The following SLF2 variants were observed in gnomAD, a reference collection of about 807,000 sequenced individuals.
SLF2 encodes SMC5/6 complex localization factor 2.
Under a neutral mutation model 124.3 loss-of-function variants are expected in SLF2, and 68 were observed. That is an observed-to-expected ratio of 0.55 (90% CI 0.45 to 0.67). The LOEUF (loss-of-function observed/expected upper bound fraction) is 0.67, where lower values mean the gene tolerates loss of function less well. Ranked by LOEUF, SLF2 falls within the 30% of genes least tolerant of loss-of-function variation. SLF2 has a pLI of 0.00. For synonymous variants in SLF2, 480 were observed against 478.8 expected, an observed-to-expected ratio of 1.00 and a Z score of -0.03; for missense variants, 1,246 against 1,373.7, an observed-to-expected ratio of 0.91 and a Z score of 1.47.
chr10:100,959,270 A>C (rs2133835412), intron 18 of SLF2, among the ~76,000 whole-genome samples, 158 bp from the exon 19 acceptor site: 1 of 152,356 alleles, frequency 6.6e-6, no homozygotes, highest in Non-Finnish European at 1.5e-5. Context: ...AATCTCCTTC[A>C]AAAGATGAGT....
intron 15 of SLF2, among the ~76,000 whole-genome samples, chr10:100,949,705 C>T (rs999752332): frequency 2.6e-5 from 4 of 151,950 alleles, no homozygotes; most frequent in Non-Finnish European, 5.9e-5. Flanking sequence ...AAGTGATTCT[C>T]GTGCCTCAGC....
At position 100,926,605 on chromosome 10, in the gene SLF2, C is replaced by CA. The variant is rs557928971; in HGVS notation, c.2042+599dup. ...TGGGTGACAGAATAAGACCCCGTCT[C>CA]AAAAAAAAAAAAAGTGGGGGGCCAG... On this transcript the variant is annotated intron_variant, in intron 6 of 19. Transcript: ENST00000238961. 519 of 138,862 alleles carry CA rather than the reference C, an allele frequency of 3.7e-3. 2 individuals carry two copies. The highest frequency in any genetic ancestry group is 6.2e-3 in the East Asian group (31 of 5,002). The allele number at this position is 138,862 out of a possible 1,614,324, so 8.6% of individuals were successfully genotyped here.
intron 4 of SLF2, among the ~76,000 whole-genome samples, chr10:100,922,514 T>G (rs545157468): frequency 1.3e-5 from 2 of 152,306 alleles, no homozygotes; most frequent in South Asian, 4.1e-4. Context: ...CATTTTAGGT[T>G]TTTAAAGCAA....
chr10:100,913,032 G>T lies in SLF2; in HGVS notation c.-79G>T. The T allele has an allele frequency of 1.3e-6, 2 of 1,510,870 alleles. No individual in the cohort carries two copies. 93.6% of individuals were successfully genotyped at this position (1,510,870 alleles called of 1,614,324 possible). A position where few individuals can be genotyped will look rare whatever the true frequency, so the allele number is the denominator to read the frequency against. On this transcript the variant is annotated 5_prime_UTR_variant, in exon 1 of 20. The change creates a premature stop within an existing upstream ORF in the 5' untranslated region. Transcript: ENST00000238961. ...CCACCTCTGCTCCGACAGCCTCCCGGAGTCCCAGCAGCAAGACGGCAACCA... is the reference window on the plus strand; with the variant it reads ...CCACCTCTGCTCCGACAGCCTCCCGTAGTCCCAGCAGCAAGACGGCAACCA...
At chr10:100,934,779 A>AT (rs573864336) in intron 9 of SLF2, among the ~76,000 whole-genome samples, 329 of 140,156 alleles carry the variant, frequency 2.3e-3, no homozygotes, top group South Asian at 7.4e-3. Context: ...CGCCCAGCTA[A>AT]TTTTTTTTTT....
In SLF2 at chr10:100,938,612, C is replaced by T. The variant is rs370619759; in HGVS notation, c.2530C>T (p.Pro844Ser). The change falls in exon 11 of 20, where the codon CCA (proline) becomes TCA (serine). Residue 844 changes from proline to serine, a missense_variant. Transcript: ENST00000238961. ...TIRNDTFSDS[P>S]VWPWIPSLSD... ...TTAATTAGATACCTTCAGTGACTCA[C>T]CAGTTTGGCCATGGATCCCATCATT... 2.7e-5 allele frequency: 44 copies of T among 1,610,036 alleles called. No individual in the cohort carries two copies. Among genetic ancestry groups the T allele is most frequent in the Non-Finnish European group, 3.7e-5 (44 of 1,178,710 alleles).
At chr10:100,940,736 C>G (rs1202922518) in intron 11 of SLF2, among the ~76,000 whole-genome samples, 11 of 128,000 alleles carry the variant, frequency 8.6e-5, no homozygotes, top group African/African-American at 3.2e-4. Flanking sequence ...TCCCTCCCTT[C>G]CCTCCCTTCC....
intron 14 of SLF2, 126 bp downstream of exon 14, chr10:100,947,262 G>A: frequency 1.9e-6 from 1 of 523,696 alleles, no homozygotes; most frequent in South Asian, 4.4e-5. Context: ...TTCATATTCA[G>A]TTGCGAGAAA....
In SLF2 at chr10:100,952,068, AC is replaced by A. The variant is rs532843766; in HGVS notation, c.3330+1319del. Among the ~76,000 whole-genome samples, 10 of 151,472 alleles carry A rather than the reference AC, an allele frequency of 6.6e-5. No individual in the cohort carries two copies. In the East Asian group the frequency reaches 1.9e-3, roughly 29 times the overall value. ...AGACCAGCCTGGCCAGCATGGTGAA[AC>A]CCCGTCTCTACAGAAATACAAAAAG... On this transcript the variant is annotated intron_variant, in intron 17 of 19. Transcript: ENST00000238961.
At chr10:100,950,029 A>G (rs1850179764) in intron 15 of SLF2, 47 bp from the exon 16 acceptor site, 1 of 1,482,530 alleles carries the variant, frequency 6.7e-7, no homozygotes, top group South Asian at 1.5e-5. Flanking sequence ...AAGAAAGAAC[A>G]ACTATATTAT....
chr10:100,936,320 T>TTGTTC (rs1277246310), intron 9 of SLF2, among the ~76,000 whole-genome samples: 2 of 13,728 alleles, frequency 1.5e-4, no homozygotes, highest in Non-Finnish European at 5.1e-4. Flanking sequence ...ATATCTTTTT[T>TTGTTC]TGTTTTGTTT....
At chr10:100,960,347 G>A (rs1301910292) in intron 19 of SLF2, among the ~76,000 whole-genome samples, 2 of 152,218 alleles carry the variant, frequency 1.3e-5, no homozygotes, top group African/African-American at 2.4e-5. Context: ...GAAACTACCA[G>A]ACTGTTTTCC....
chr10:100,949,010 G>A lies in SLF2; in HGVS notation c.3121-1066G>A, dbSNP rs533969698. Among the ~76,000 whole-genome samples, 5 of 152,332 alleles carry A rather than the reference G, an allele frequency of 3.3e-5. No individual in the cohort carries two copies. The East Asian group carries it at 9.6e-4, about 29-fold the overall frequency. On this transcript the variant is annotated intron_variant, in intron 15 of 19. Transcript: ENST00000238961. Reference sequence around the variant, plus strand: ...AACAAAGATTTAGATTAGAGACTCTGCCCTTGAAAACATAATCTAATGGTT... The same window carrying A: ...AACAAAGATTTAGATTAGAGACTCTACCCTTGAAAACATAATCTAATGGTT...
intron 4 of SLF2, among the ~76,000 whole-genome samples, chr10:100,920,353 T>C (rs539345458): frequency 2.6e-4 from 39 of 152,354 alleles, no homozygotes; most frequent in Admixed American, 1.8e-3. Flanking sequence ...ATTTCATTCA[T>C]GGTGGCTAAA....
Position 100,924,658 on chromosome 10 carries a change from A to G in SLF2, c.1657A>G (p.Thr553Ala). Residue 553 changes from threonine to alanine, a missense_variant, in exon 5 of 20, where the codon ACA (threonine) becomes GCA (alanine). Thr to Ala is a moderately conservative substitution (Grantham distance 58). Coordinates refer to ENST00000238961, the MANE Select transcript of SLF2 (RefSeq NM_018121.4). Reference sequence around the variant, plus strand: ...TTTGCGCTCAGAATATGGCACTCCTACAAAGTCTCCCCCTGCTGCTTTGGA... The same window carrying G: ...TTTGCGCTCAGAATATGGCACTCCTGCAAAGTCTCCCCCTGCTGCTTTGGA... Reference protein sequence around the residue: ...GPLRSEYGTPTKSPPAALEVV... With the variant: ...GPLRSEYGTPAKSPPAALEVV... 2 of 1,614,096 alleles carry G rather than the reference A, an allele frequency of 1.2e-6. No homozygotes were observed. Among genetic ancestry groups the G allele is most frequent in the Middle Eastern group, 1.6e-4 (1 of 6,062 alleles).
chr10:100,936,823 T>C (rs1254418619), intron 9 of SLF2, among the ~76,000 whole-genome samples: 1 of 151,774 alleles, frequency 6.6e-6, no homozygotes, highest in Non-Finnish European at 1.5e-5. Context: ...CATTTTTTGA[T>C]AGTTTCAAAT....
intron 1 of SLF2, chr10:100,913,590 G>A (rs970556853): frequency 8.5e-6 from 10 of 1,172,720 alleles, no homozygotes; most frequent in Middle Eastern, 3.4e-4. Flanking sequence ...TCTGTACGTT[G>A]TCAGTTCTAC....
chr10:100,954,210 G>C (rs1850281700), intron 17 of SLF2, among the ~76,000 whole-genome samples: 1 of 152,088 alleles, frequency 6.6e-6, no homozygotes, highest in Admixed American at 6.5e-5. Flanking sequence ...ATGCACTGTG[G>C]TCATGCCACT....
intron 1 of SLF2, chr10:100,913,476 G>A: frequency 7.8e-7 from 1 of 1,280,968 alleles, no homozygotes. Context: ...CCACCAGCCT[G>A]GACAGCTACG....
Sources: allele counts gnomAD v4.1 joint callset (sites outside exome capture counted in the v4.1 genomes callset), GRCh38; gene constraint gnomAD v4.1.1; transcripts MANE v1.5; gene names NCBI Gene and HGNC (gene_info 2026-07-23, HGNC 2026-07-21).